LMX1B: variants seen among roughly 807,000 people sequenced by gnomAD.
LMX1B encodes LIM homeobox transcription factor 1-beta.
LMX1B carries 12 observed loss-of-function variants against 51.4 expected under a neutral mutation model. That is an observed-to-expected ratio of 0.23 (90% CI 0.15 to 0.38). LMX1B has a LOEUF of 0.38. Among genes scored for constraint, LMX1B ranks in the 10% least tolerant of loss-of-function variants. LMX1B has a pLI of 1.00. For synonymous variants in LMX1B, 237 were observed against 235.4 expected, an observed-to-expected ratio of 1.01 and a Z score of -0.06; for missense variants, 445 against 571.1, an observed-to-expected ratio of 0.78 and a Z score of 2.25.
In LMX1B at chr9:126,631,750, G is replaced by A. The variant is rs553658480; in HGVS notation, c.326+16181G>A. The stretch of plus-strand genomic sequence containing the variant: ...GGAACCTCAGGTTTTACCACTTCCC[G>A]CTGTGTGACCTTAGGTTAGAGGCTT... On this transcript the variant is annotated intron_variant, in intron 2 of 7. Coordinates refer to ENST00000373474, the MANE Select transcript of LMX1B (RefSeq NM_001174147.2). 7.9e-5 allele frequency among the ~76,000 whole-genome samples: 12 copies of A among 152,276 alleles called. No individual in the cohort carries two copies. The South Asian group carries it at 2.3e-3, about 29-fold the overall frequency.
chr9:126,692,497 G>A (rs1000985189), intron 3 of LMX1B, among the ~76,000 whole-genome samples: 28 of 152,248 alleles, frequency 1.8e-4, no homozygotes, highest in Admixed American at 6.5e-5. Context: ...CGCTGTGTGT[G>A]TCTGTCCAGA....
At chr9:126,651,195 T>C (rs1243802261) in intron 2 of LMX1B, among the ~76,000 whole-genome samples, 1 of 151,994 alleles carries the variant, frequency 6.6e-6, no homozygotes, top group Non-Finnish European at 1.5e-5. Context: ...TGGGGCTGAC[T>C]GATCCTCCTC....
intron 2 of LMX1B, among the ~76,000 whole-genome samples, chr9:126,629,881 C>T (rs185553107): frequency 3.3e-5 from 5 of 151,950 alleles, no homozygotes; most frequent in Admixed American, 1.3e-4. Context: ...TGTGGTGGCT[C>T]ATGCCTGTAA....
chr9:126,644,616 G>C (rs1835866141), intron 2 of LMX1B, among the ~76,000 whole-genome samples: 1 of 152,156 alleles, frequency 6.6e-6, no homozygotes, highest in African/African-American at 2.4e-5. Flanking sequence ...TGCTCAGAGT[G>C]GTCCCTCCAT....
chr9:126,675,057 A>G (rs1050681200), intron 2 of LMX1B, among the ~76,000 whole-genome samples: 1 of 152,216 alleles, frequency 6.6e-6, no homozygotes, highest in Non-Finnish European at 1.5e-5. Flanking sequence ...TGTTGTTCCA[A>G]CGTAGAGTCA....
chr9:126,694,937 A>G (rs1389489533), intron 6 of LMX1B, among the ~76,000 whole-genome samples: 2 of 151,904 alleles, frequency 1.3e-5, no homozygotes, highest in African/African-American at 2.4e-5. Flanking sequence ...CCACACGCAC[A>G]TGGCATGCCC....
chr9:126,690,696 T>G (rs1412889179), intron 2 of LMX1B, 140 bp from the exon 3 acceptor site: 2 of 712,890 alleles, frequency 2.8e-6, no homozygotes, highest in African/African-American at 1.8e-5. Context: ...TTCTGCTGTC[T>G]GACCTGGTGC....
rs1435283032 is a variant in LMX1B, at chr9:126,683,277, G to C, written c.327-7559G>C. On this transcript the variant is annotated intron_variant, in intron 2 of 7. Transcript: ENST00000373474. ...CCGCGTGATTGACGCGCGTACCGGG[G>C]CCCCCGCCCGCGGCTCCCGCCGCCG... 2.6e-5 allele frequency among the ~76,000 whole-genome samples: 4 copies of C among 151,534 alleles called. 1 individual carries two copies. In the South Asian group the frequency reaches 8.3e-4, roughly 31 times the overall value.
chr9:126,620,756 G>C (rs950532488), intron 2 of LMX1B, among the ~76,000 whole-genome samples: 1 of 152,174 alleles, frequency 6.6e-6, no homozygotes, highest in Non-Finnish European at 1.5e-5. Context: ...CAGAGCAACA[G>C]TATTTCCACC....
intron 3 of LMX1B, among the ~76,000 whole-genome samples, chr9:126,692,378 A>T (rs2030162030): frequency 6.6e-6 from 1 of 152,204 alleles, no homozygotes; most frequent in Admixed American, 6.5e-5. Flanking sequence ...AGGCTTGGCC[A>T]TCCATCTGGG....
chr9:126,681,757 C>T (rs900916945), intron 2 of LMX1B, among the ~76,000 whole-genome samples: 10 of 151,984 alleles, frequency 6.6e-5, no homozygotes, highest in Non-Finnish European at 1.2e-4. Flanking sequence ...AAAAATTAGC[C>T]GAGTGTGGTG....
intron 2 of LMX1B, among the ~76,000 whole-genome samples, chr9:126,678,317 A>AAAC (rs1418101553): frequency 8.3e-5 from 12 of 144,906 alleles, no homozygotes; most frequent in African/African-American, 2.8e-4. Context: ...CTCAAAAAAA[A>AAAC]AAAACAAAAA....
intron 2 of LMX1B, among the ~76,000 whole-genome samples, chr9:126,616,699 C>G (rs1017185897): frequency 5.3e-5 from 8 of 152,220 alleles, no homozygotes; most frequent in Non-Finnish European, 7.3e-5. Flanking sequence ...GCCGGCGCCT[C>G]GTGGTGAGTG....
intron 3 of LMX1B, 147 bp downstream of exon 3, chr9:126,691,215 G>T (rs912823560): frequency 3.2e-6 from 2 of 634,254 alleles, no homozygotes; most frequent in East Asian, 2.7e-5. Flanking sequence ...ATGCACACGC[G>T]CACTGACGTG....
At chr9:126,656,677 G>A (rs947599638) in intron 2 of LMX1B, among the ~76,000 whole-genome samples, 1 of 152,208 alleles carries the variant, frequency 6.6e-6, no homozygotes, top group Non-Finnish European at 1.5e-5. Context: ...GGTGAGAGCT[G>A]AGTTCTCTGA....
intron 2 of LMX1B, among the ~76,000 whole-genome samples, chr9:126,659,555 G>C (rs1017907597): frequency 6.6e-6 from 1 of 152,268 alleles, no homozygotes; most frequent in Non-Finnish European, 1.5e-5. Context: ...AGGTGGTCCT[G>C]TGTGGGGGTG....
rs2030494823 is a variant in LMX1B, at chr9:126,700,276, G to A, written c.*3825G>A. 6.6e-6 allele frequency: 1 copy of A among 152,294 alleles called. No homozygotes were observed. The highest frequency in any genetic ancestry group is 1.5e-5 in the Non-Finnish European group (1 of 68,110). 9.4% of individuals were successfully genotyped at this position (152,294 alleles called of 1,614,324 possible). On this transcript the variant is annotated 3_prime_UTR_variant, in exon 8 of 8. Transcript: ENST00000373474. Reference sequence around the variant, plus strand: ...TGCACGTGGCTGGGCATCTTAGGAGGCTTCCTGAGGGTGGGTAAAGGTGGG... The same window carrying A: ...TGCACGTGGCTGGGCATCTTAGGAGACTTCCTGAGGGTGGGTAAAGGTGGG...
intron 2 of LMX1B, among the ~76,000 whole-genome samples, chr9:126,638,775 C>G (rs940125644): frequency 2.6e-5 from 4 of 152,136 alleles, no homozygotes; most frequent in Non-Finnish European, 4.4e-5. Context: ...TAACACGGGC[C>G]GGCGGCGCGG....
intron 2 of LMX1B, among the ~76,000 whole-genome samples, chr9:126,656,081 G>A (rs7874916): frequency 0.39 from 59,249 of 152,082 alleles, 12,477 homozygotes; most frequent in African/African-American, 0.49. Context: ...AGCAGCCCAG[G>A]TGGAAGGAAA....
Sources: gnomAD v4.1 joint callset for allele counts (sites outside exome capture counted in the v4.1 genomes callset) on GRCh38, gnomAD v4.1.1 for gene constraint, MANE v1.5 for transcripts, NCBI Gene and HGNC (gene_info 2026-07-23, HGNC 2026-07-21) for gene names.